Variants in FGD3 observed in about 807,000 individuals in gnomAD.
The protein encoded by FGD3 is FYVE, RhoGEF and PH domain containing 3.
Under a neutral mutation model 71.8 loss-of-function variants are expected in FGD3, and 45 were observed. The observed-to-expected ratio is 0.63, with a 90% CI of 0.49 to 0.80. The LOEUF (loss-of-function observed/expected upper bound fraction) is 0.80, where lower values mean the gene tolerates loss of function less well. Ranked by LOEUF, FGD3 falls within the 30% of genes least tolerant of loss-of-function variation. The pLI, the probability that FGD3 is intolerant of heterozygous loss-of-function variation, is 0.00. For missense variants in FGD3, 844 were observed against 951.5 expected, an observed-to-expected ratio of 0.89 and a Z score of 1.49; for synonymous variants, 378 against 392.8, an observed-to-expected ratio of 0.96 and a Z score of 0.44.
intron 13 of FGD3, 77 bp downstream of exon 13, chr9:93,020,501 G>T: frequency 1.5e-6 from 2 of 1,295,324 alleles, no homozygotes; most frequent in Non-Finnish European, 2.2e-6. Context: ...ACTGGCGTCT[G>T]GGTGGGCAGC....
At chr9:92,996,566 G>A (rs1298606478) in intron 3 of FGD3, among the ~76,000 whole-genome samples, 2 of 152,106 alleles carry the variant, frequency 1.3e-5, no homozygotes, top group African/African-American at 4.8e-5. Flanking sequence ...TAATTGTGAT[G>A]TTAGGGTGTC....
chr9:93,006,857 G>A (rs1320548616), intron 6 of FGD3, among the ~76,000 whole-genome samples: 1 of 151,254 alleles, frequency 6.6e-6, no homozygotes, highest in Non-Finnish European at 1.5e-5. Context: ...CTCCCGAGTA[G>A]CTGGGAATAC....
At chr9:92,981,348 A>G (rs1859986742) in intron 3 of FGD3, among the ~76,000 whole-genome samples, 1 of 148,216 alleles carries the variant, frequency 6.7e-6, no homozygotes, top group Admixed American at 6.8e-5. Flanking sequence ...AGCCTGGGTG[A>G]CAGAGCGAGA....
rs143229022 is a variant in FGD3, at chr9:92,957,158, A to C, written c.-218+9429A>C. Among the ~76,000 whole-genome samples the C allele has an allele frequency of 3.4e-4, 52 of 152,370 alleles. 1 individual carries two copies. In the East Asian group the frequency reaches 9.6e-3, roughly 28 times the overall value. On this transcript the variant is annotated intron_variant, in intron 1 of 17. Transcript: ENST00000375482. ...TGAGTTATGAATACAGCTGTTCTGCACATTTGTGTACAGGTCTTTGTGTGG... is the reference window on the plus strand; with the variant it reads ...TGAGTTATGAATACAGCTGTTCTGCCCATTTGTGTACAGGTCTTTGTGTGG...
At chr9:92,983,806 T>C (rs1320520267) in intron 3 of FGD3, among the ~76,000 whole-genome samples, 1 of 152,212 alleles carries the variant, frequency 6.6e-6, no homozygotes, top group East Asian at 1.9e-4. Context: ...ACCTTTATCT[T>C]TATCATATAT....
At chr9:93,020,007 G>C (rs1280798652) in intron 12 of FGD3, 146 bp downstream of exon 12, 2 of 825,114 alleles carry the variant, frequency 2.4e-6, no homozygotes, top group East Asian at 5.2e-5. Context: ...ACCACACTGT[G>C]CCTTCATAAG....
intron 3 of FGD3, among the ~76,000 whole-genome samples, chr9:92,991,001 T>C (rs1273449192): frequency 6.6e-6 from 1 of 152,198 alleles, no homozygotes; most frequent in African/African-American, 2.4e-5. Context: ...TATCAATTGT[T>C]CTTTATAGGT....
chr9:93,035,301 G>A (rs774193172), intron 17 of FGD3, 37 bp from the exon 18 acceptor site: 10 of 1,591,232 alleles, frequency 6.3e-6, no homozygotes, highest in Admixed American at 1.7e-5. Flanking sequence ...AGGCCGGGAA[G>A]CTGTGGCCCC....
At chr9:92,953,804 G>T (rs1321963691) in intron 1 of FGD3, among the ~76,000 whole-genome samples, 1 of 152,214 alleles carries the variant, frequency 6.6e-6, no homozygotes, top group Non-Finnish European at 1.5e-5. Context: ...TGCAAAAAAT[G>T]TGTTTTCAGA....
At chr9:92,995,294 G>A (rs1269329865) in intron 3 of FGD3, among the ~76,000 whole-genome samples, 2 of 152,138 alleles carry the variant, frequency 1.3e-5, no homozygotes, top group East Asian at 1.9e-4. Flanking sequence ...TTGGTGTAAA[G>A]GAATGCTTGT....
At chr9:92,948,017 C>G (rs1858888059) in intron 1 of FGD3, among the ~76,000 whole-genome samples, 2 of 152,172 alleles carry the variant, frequency 1.3e-5, no homozygotes, top group Admixed American at 1.3e-4. Context: ...GGCTCGGGAA[C>G]AGGATTCTCC....
chr9:92,997,754 A>G (rs1860702720), intron 3 of FGD3, among the ~76,000 whole-genome samples: 1 of 152,192 alleles, frequency 6.6e-6, no homozygotes, highest in South Asian at 2.1e-4. Context: ...GCTGGATATG[A>G]AATTCTGGGT....
rs753665981 is a variant in FGD3 at position 93,018,214 on chromosome 9, C to T, written c.1354C>T (p.Arg452Trp). 33 of 1,613,184 alleles carry T rather than the reference C, an allele frequency of 2.0e-5. No homozygotes were observed. Among genetic ancestry groups the T allele is most frequent in the Middle Eastern group, 1.6e-4 (1 of 6,080 alleles). The change falls in exon 11 of 18, where the codon CGG (arginine) becomes TGG (tryptophan). Residue 452 changes from arginine (R) to tryptophan (W), a missense_variant and splice_region_variant. Physicochemically the swap from Arg to Trp is moderately radical, Grantham distance 101 (BLOSUM62 -3). Transcript: ENST00000375482. The part of the protein sequence containing the change: ...GRKRSLELQT[R>W]TEEEKKEWIQ... ...AAAAAGGTCCCTGGAGCTGCAGACGCGGTATGGAACGGGCTGTTTCTAGTG... is the reference window on the plus strand; with the variant it reads ...AAAAAGGTCCCTGGAGCTGCAGACGTGGTATGGAACGGGCTGTTTCTAGTG...
chr9:92,971,067 C>A (rs752104613), intron 1 of FGD3, among the ~76,000 whole-genome samples: 24 of 152,172 alleles, frequency 1.6e-4, no homozygotes, highest in Non-Finnish European at 2.9e-4. Flanking sequence ...GCTCCTCAAC[C>A]CAGGTTGCCC....
chr9:93,028,217 C>T (rs917419483), intron 14 of FGD3, among the ~76,000 whole-genome samples: 7 of 130,902 alleles, frequency 5.3e-5, no homozygotes, highest in African/African-American at 1.6e-4. Flanking sequence ...CACACACACA[C>T]GCACACACAC....
chr9:93,029,809 CTGCCG>C, intron 14 of FGD3, 60 bp from the exon 15 acceptor site: 1 of 1,567,864 alleles, frequency 6.4e-7, no homozygotes, highest in Non-Finnish European at 8.7e-7. Flanking sequence ...TGCCACTCCA[CTGCCG>C]TGTGGGGTAG....
intron 14 of FGD3, among the ~76,000 whole-genome samples, chr9:93,025,673 G>A (rs1181337885): frequency 6.6e-6 from 1 of 152,220 alleles, no homozygotes. Context: ...AGGAAGTTTT[G>A]CAAGGGGCCT....
At chr9:93,023,488 C>T (rs1188086281) in intron 14 of FGD3, among the ~76,000 whole-genome samples, 1 of 152,222 alleles carries the variant, frequency 6.6e-6, no homozygotes, top group East Asian at 1.9e-4. Context: ...GCAGAGCAGA[C>T]AGGCACCCTG....
In FGD3 at chr9:93,034,667, C is replaced by T. The variant is rs1247046272; in HGVS notation, c.1912C>T (p.Gln638Ter). The change falls in exon 17 of 18, where the codon CAG becomes TAG. Residue 638 changes from glutamine (Q) to a stop codon, truncating the protein, a stop_gained. Coordinates refer to ENST00000375482, the MANE Select transcript of FGD3 (RefSeq NM_001083536.2). LOFTEE classifies it low-confidence loss of function (END_TRUNC). ...GTCAGATCCCCAGGTGCTGCACCTG[C>T]AGGGAGGCAGCCAGGTACGTGTCCC... The part of the protein sequence containing the change: ...PMSDPQVLHL[Q>*]GGSQDGRLPR... 6.2e-7 allele frequency: 1 copy of T among 1,612,932 alleles called. No individual in the cohort carries two copies.
Sources: allele counts gnomAD v4.1 joint callset (sites outside exome capture counted in the v4.1 genomes callset), GRCh38; gene constraint gnomAD v4.1.1; transcripts MANE v1.5; gene names NCBI Gene and HGNC (gene_info 2026-07-23, HGNC 2026-07-21).